CNTNAP2: variants seen among roughly 807,000 people sequenced by gnomAD.
CNTNAP2 encodes the protein contactin associated protein 2.
A neutral mutation model predicts 155.2 loss-of-function variants in CNTNAP2; 98 were observed. That is an observed-to-expected ratio of 0.63 (90% CI 0.54 to 0.75). CNTNAP2 has a LOEUF of 0.75. Among genes scored for constraint, CNTNAP2 ranks in the 30% least tolerant of loss-of-function variants. The pLI is 0.00. For synonymous variants in CNTNAP2, 651 were observed against 631.2 expected (o/e 1.03, Z -0.47); for missense variants, 1,727 against 1,688.1 (o/e 1.02, Z -0.40).
intron 1 of CNTNAP2, among the ~76,000 whole-genome samples, chr7:146,619,038 C>T (rs1468330796): frequency 1.3e-5 from 2 of 150,086 alleles, no homozygotes; most frequent in Non-Finnish European, 3.0e-5. Flanking sequence ...TGTGACATTG[C>T]ACTCCAGCCT....
intron 9 of CNTNAP2, among the ~76,000 whole-genome samples, chr7:147,331,149 A>G (rs1584878754): frequency 6.6e-6 from 1 of 152,192 alleles, no homozygotes; most frequent in Middle Eastern, 3.4e-3. Context: ...CACCTGAAAT[A>G]AGGCAATGGC....
chr7:148,404,601 A>G (rs6969157), intron 22 of CNTNAP2, among the ~76,000 whole-genome samples: 84,630 of 151,918 alleles, frequency 0.56, 24,233 homozygotes, highest in African/African-American at 0.63. Flanking sequence ...CCACAGCAGC[A>G]TCTAGGGGTA....
At chr7:147,974,883 A>G (rs1484802816) in intron 14 of CNTNAP2, among the ~76,000 whole-genome samples, 2 of 152,086 alleles carry the variant, frequency 1.3e-5, no homozygotes, top group East Asian at 3.9e-4. Flanking sequence ...AGCTTTATTC[A>G]TAATAGCCAA....
At chr7:146,890,634 C>G (rs939042745) in intron 3 of CNTNAP2, among the ~76,000 whole-genome samples, 2 of 152,086 alleles carry the variant, frequency 1.3e-5, no homozygotes, top group African/African-American at 4.8e-5. Context: ...AGCTAAAAAA[C>G]AAGTTATTAA....
At chr7:147,685,913 A>G (rs1295888809) in intron 13 of CNTNAP2, among the ~76,000 whole-genome samples, 1 of 151,984 alleles carries the variant, frequency 6.6e-6, no homozygotes, top group Non-Finnish European at 1.5e-5. Context: ...AAGAGCACGG[A>G]GGACCATGTG....
Position 146,922,191 on chromosome 7 carries a change from A to G in CNTNAP2, c.402+82287A>G, listed in dbSNP as rs529758429. On this transcript the variant is annotated intron_variant, in intron 3 of 23. Transcript: ENST00000361727. ...AAACTTAAAGATAATATTGAGATAT[A>G]TTAAATGTACATTTCTGCCCTGTAA... Among the ~76,000 whole-genome samples, 10 of 150,422 alleles carry G rather than the reference A, an allele frequency of 6.6e-5. No homozygotes were observed. The South Asian group carries it at 2.2e-3, about 34-fold the overall frequency.
At chr7:148,046,714 C>T (rs576164381) in intron 15 of CNTNAP2, among the ~76,000 whole-genome samples, 104 of 152,228 alleles carry the variant, frequency 6.8e-4, no homozygotes, top group Non-Finnish European at 1.2e-4. Flanking sequence ...AACATGAATG[C>T]ATTTAATTAG....
At position 146,906,318 on chromosome 7, in the gene CNTNAP2, G is replaced by C. The variant is rs28852468; in HGVS notation, c.402+66414G>C. Among the ~76,000 whole-genome samples, 1,289 of 152,074 alleles carry C rather than the reference G, an allele frequency of 8.5e-3. 18 individuals are homozygous for C. Among genetic ancestry groups the C allele is most frequent in the African/African-American group, 0.022 (921 of 41,438 alleles). Reference sequence around the variant, plus strand: ...GCCCACCACAGCTCAAGGAGGCCTGGCTGCCTCTGTAGGCTCCACCTCTGG... The same window carrying C: ...GCCCACCACAGCTCAAGGAGGCCTGCCTGCCTCTGTAGGCTCCACCTCTGG... On this transcript the variant is annotated intron_variant, in intron 3 of 23. Coordinates refer to ENST00000361727, the MANE Select transcript of CNTNAP2 (RefSeq NM_014141.6).
At chr7:146,494,882 C>T (rs1797191379) in intron 1 of CNTNAP2, among the ~76,000 whole-genome samples, 1 of 152,204 alleles carries the variant, frequency 6.6e-6, no homozygotes. Context: ...AATGCATCTG[C>T]ACATTTAGGA....
chr7:146,138,692 G>T (rs1797833253), intron 1 of CNTNAP2, among the ~76,000 whole-genome samples: 1 of 152,036 alleles, frequency 6.6e-6, no homozygotes, highest in South Asian at 2.1e-4. Flanking sequence ...ATGTGTGTGT[G>T]TAGGCAGATT....
At chr7:148,117,832 T>C (rs1214835857) in intron 15 of CNTNAP2, among the ~76,000 whole-genome samples, 1 of 150,266 alleles carries the variant, frequency 6.7e-6, no homozygotes, top group Non-Finnish European at 1.5e-5. Context: ...AATATTTTAT[T>C]GTACAATTTA....
chr7:147,154,505 G>T (rs1324130774), intron 8 of CNTNAP2, among the ~76,000 whole-genome samples: 1 of 152,090 alleles, frequency 6.6e-6, no homozygotes, highest in African/African-American at 2.4e-5. Flanking sequence ...ATAAACAATT[G>T]TAGACACTGA....
At chr7:146,871,650 C>G (rs1165995055) in intron 3 of CNTNAP2, among the ~76,000 whole-genome samples, 1 of 151,900 alleles carries the variant, frequency 6.6e-6, no homozygotes. Flanking sequence ...CTATATTTAA[C>G]AATTATTGTA....
chr7:146,690,346 C>A (rs971735502), intron 1 of CNTNAP2, among the ~76,000 whole-genome samples: 1 of 152,090 alleles, frequency 6.6e-6, no homozygotes, highest in South Asian at 2.1e-4. Context: ...TTGGTCACTG[C>A]ACATGTATAA....
intron 11 of CNTNAP2, among the ~76,000 whole-genome samples, chr7:147,491,976 C>T (rs942605562): frequency 2.0e-5 from 3 of 152,132 alleles, no homozygotes; most frequent in African/African-American, 7.2e-5. Context: ...TAAGATGCCC[C>T]ATTCATTACT....
rs1800017295 is a variant in CNTNAP2 at position 148,417,333 on chromosome 7, C to T, written c.*1717C>T. 6.6e-6 allele frequency: 1 copy of T among 152,530 alleles called. No homozygotes were observed. The highest frequency in any genetic ancestry group is 1.5e-5 in the Non-Finnish European group (1 of 68,032). 9.4% of individuals were successfully genotyped at this position (152,530 alleles called of 1,614,324 possible). A position where few individuals can be genotyped will look rare whatever the true frequency, so the allele number is the denominator to read the frequency against. The stretch of plus-strand genomic sequence containing the variant: ...TAATGGAAAACATTACCTAGAGTTG[C>T]CAGTGGCACATTACACCAGTACAGA... On this transcript the variant is annotated 3_prime_UTR_variant, in exon 24 of 24. Coordinates refer to ENST00000361727, the MANE Select transcript of CNTNAP2 (RefSeq NM_014141.6).
intron 5 of CNTNAP2, among the ~76,000 whole-genome samples, chr7:147,113,044 A>G (rs964037425): frequency 1.3e-5 from 2 of 151,896 alleles, no homozygotes; most frequent in African/African-American, 4.8e-5. Context: ...TAGGCTATTT[A>G]TTACTGCCTC....
At chr7:147,730,479 A>G (rs78852191) in intron 13 of CNTNAP2, among the ~76,000 whole-genome samples, 29,274 of 151,952 alleles carry the variant, frequency 0.19, 3,247 homozygotes, top group Middle Eastern at 0.38. Context: ...GACCTTTGAT[A>G]ATACTATTAT....
At chr7:148,379,574 T>C (rs1236637732) in intron 21 of CNTNAP2, among the ~76,000 whole-genome samples, 4 of 151,548 alleles carry the variant, frequency 2.6e-5, no homozygotes, top group Non-Finnish European at 5.9e-5. Flanking sequence ...TAGTCGGGCA[T>C]GGTAGCACAC....
Sources: allele counts gnomAD v4.1 joint callset (sites outside exome capture counted in the v4.1 genomes callset), GRCh38; gene constraint gnomAD v4.1.1; transcripts MANE v1.5; gene names NCBI Gene and HGNC (gene_info 2026-07-23, HGNC 2026-07-21).